CALCR: variants seen among roughly 807,000 people sequenced by gnomAD.
CALCR encodes the protein calcitonin receptor.
CALCR carries 47 observed loss-of-function variants against 59.5 expected under a neutral mutation model. The ratio of observed to expected loss-of-function variants is 0.79; its 90% CI spans 0.63 to 1.01. The LOEUF is 1.01. CALCR is among the 50% of genes least tolerant of loss of function. The pLI is 0.00. For missense variants in CALCR, 566 were observed against 597.1 expected (o/e 0.95, Z 0.54); for synonymous variants, 213 against 211.3 (o/e 1.01, Z -0.07).
At chr7:93,490,978 G>T (rs549397860) in intron 2 of CALCR, among the ~76,000 whole-genome samples, 30 of 152,002 alleles carry the variant, frequency 2.0e-4, no homozygotes, top group African/African-American at 6.3e-4. Flanking sequence ...AACAAAGCTG[G>T]AAGCATCACA....
At chr7:93,571,028 C>G (rs1563024987) in intron 2 of CALCR, among the ~76,000 whole-genome samples, 1 of 152,030 alleles carries the variant, frequency 6.6e-6, no homozygotes, top group Non-Finnish European at 1.5e-5. Context: ...CTCTATATTG[C>G]TGGTTTTCTA....
intron 7 of CALCR, among the ~76,000 whole-genome samples, chr7:93,466,877 G>A (rs777034460): frequency 6.6e-6 from 1 of 151,152 alleles, no homozygotes; most frequent in African/African-American, 2.4e-5. Context: ...AGAAATGATC[G>A]TTGAAAAAAA....
intron 2 of CALCR, among the ~76,000 whole-genome samples, chr7:93,526,433 C>T (rs1207821788): frequency 6.6e-6 from 1 of 150,610 alleles, no homozygotes; most frequent in Non-Finnish European, 1.5e-5. Flanking sequence ...CTGACTCAAA[C>T]AGTATAGCAA....
At chr7:93,461,949 C>G (rs1209829093) in intron 7 of CALCR, 8 of 679,594 alleles carry the variant, frequency 1.2e-5, no homozygotes, top group Admixed American at 2.9e-5. Context: ...GCCAATGACT[C>G]ATAACACTAA....
intron 12 of CALCR, among the ~76,000 whole-genome samples, chr7:93,435,017 C>A (rs985877347): frequency 1.3e-5 from 2 of 152,144 alleles, no homozygotes; most frequent in African/African-American, 4.8e-5. Context: ...CCAAGGACTC[C>A]CACATCCTAT....
At chr7:93,569,176 CT>C (rs553129697) in intron 2 of CALCR, among the ~76,000 whole-genome samples, 3 of 151,936 alleles carry the variant, frequency 2.0e-5, no homozygotes, top group Admixed American at 6.6e-5. Flanking sequence ...TGTATCCATC[CT>C]TTTTTTCAAT....
intron 2 of CALCR, among the ~76,000 whole-genome samples, chr7:93,507,932 G>GAA (rs879314285): frequency 7.1e-6 from 1 of 140,158 alleles, no homozygotes. Flanking sequence ...CAAAAAAAAA[G>GAA]AAAAAAAAAA....
intron 3 of CALCR, among the ~76,000 whole-genome samples, chr7:93,486,171 G>C (rs987904411): frequency 6.6e-6 from 1 of 151,482 alleles, no homozygotes; most frequent in Non-Finnish European, 1.5e-5. Context: ...GTGACAGAAA[G>C]GATAAGAAGC....
intron 2 of CALCR, among the ~76,000 whole-genome samples, chr7:93,566,144 C>T (rs1306627263): frequency 6.6e-6 from 1 of 152,088 alleles, no homozygotes; most frequent in African/African-American, 2.4e-5. Context: ...AAACTAAAAT[C>T]CATTTGCAAT....
At chr7:93,470,109 AT>A (rs1800521309) in intron 6 of CALCR, among the ~76,000 whole-genome samples, 2 of 151,618 alleles carry the variant, frequency 1.3e-5, no homozygotes, top group South Asian at 4.1e-4. Context: ...GGCATTCCAT[AT>A]TTTTGGGGCA....
Position 93,479,379 on chromosome 7 carries a change from C to T in CALCR, c.180G>A (p.Gln60=). The part of the protein sequence containing the change: ...DAQYKCYDRM[Q]QLPAYQGEGP... ...CTTCTCCTTGGTATGCGGGTAACTGCTGCATTCGGTCATAGCATTTGTACT... is the reference window on the plus strand; with the variant it reads ...CTTCTCCTTGGTATGCGGGTAACTGTTGCATTCGGTCATAGCATTTGTACT... Residue 60 remains glutamine, a synonymous_variant, in exon 4 of 14, where the codon CAG becomes CAA. Transcript: ENST00000426151. The T allele has an allele frequency of 1.2e-6, 2 of 1,611,308 alleles. No homozygotes were observed. Among genetic ancestry groups the T allele is most frequent in the Middle Eastern group, 3.3e-4 (2 of 6,038 alleles).
chr7:93,496,113 G>C (rs1229031327), intron 2 of CALCR: 1 of 551,780 alleles, frequency 1.8e-6, no homozygotes, highest in African/African-American at 2.0e-5. Flanking sequence ...AAATGTCAAT[G>C]TCTGAAAATA....
At chr7:93,502,621 A>T (rs1801342839) in intron 2 of CALCR, among the ~76,000 whole-genome samples, 1 of 152,096 alleles carries the variant, frequency 6.6e-6, no homozygotes, top group Non-Finnish European at 1.5e-5. Flanking sequence ...TTTCCTCTTG[A>T]TATTATAAAT....
intron 2 of CALCR, among the ~76,000 whole-genome samples, chr7:93,544,258 TA>T (rs1349037462): frequency 6.6e-6 from 1 of 152,106 alleles, no homozygotes; most frequent in African/African-American, 2.4e-5. Flanking sequence ...GAAGAAGGGT[TA>T]AAAAATTAAA....
intron 2 of CALCR, among the ~76,000 whole-genome samples, chr7:93,544,406 T>C (rs1386235296): frequency 1.3e-5 from 2 of 152,144 alleles, no homozygotes; most frequent in African/African-American, 4.8e-5. Flanking sequence ...TTTGAACATT[T>C]TTCATATGTT....
intron 3 of CALCR, among the ~76,000 whole-genome samples, chr7:93,486,443 C>G (rs1438126935): frequency 6.6e-6 from 1 of 151,430 alleles, no homozygotes; most frequent in Non-Finnish European, 1.5e-5. Context: ...TTTCCATAGT[C>G]AGTTTTTGAT....
chr7:93,566,940 G>C (rs1276388826), intron 2 of CALCR, among the ~76,000 whole-genome samples: 2 of 152,248 alleles, frequency 1.3e-5, no homozygotes, highest in East Asian at 1.9e-4. Flanking sequence ...AAAATGTTTA[G>C]TTTAGTTTTG....
chr7:93,469,588 C>A (rs1000039966), intron 6 of CALCR, among the ~76,000 whole-genome samples: 2 of 151,632 alleles, frequency 1.3e-5, no homozygotes, highest in African/African-American at 4.8e-5. Context: ...CTCTCTCTTT[C>A]TCTCTCTTTC....
chr7:93,503,445 AG>A (rs1204852895), intron 2 of CALCR, among the ~76,000 whole-genome samples: 1 of 151,850 alleles, frequency 6.6e-6, no homozygotes, highest in African/African-American at 2.4e-5. Flanking sequence ...CACACGACAC[AG>A]AGGAAAATTG....
Sources: allele counts gnomAD v4.1 joint callset (sites outside exome capture counted in the v4.1 genomes callset), GRCh38; gene constraint gnomAD v4.1.1; transcripts MANE v1.5; gene names NCBI Gene and HGNC (gene_info 2026-07-23, HGNC 2026-07-21).